The following MLLT10 variants were observed in gnomAD, a reference collection of about 807,000 sequenced individuals.
MLLT10 encodes the protein protein AF-10.
MLLT10 carries 30 observed loss-of-function variants against 129.1 expected under a neutral mutation model. That is an observed-to-expected ratio of 0.23 (90% confidence interval 0.17 to 0.32). The LOEUF (loss-of-function observed/expected upper bound fraction) is 0.32. Ranked by LOEUF, MLLT10 falls within the 10% of genes least tolerant of loss-of-function variation. The probability of loss-of-function intolerance (pLI) is 1.00; values close to 1 mark genes in which losing one functional copy is unlikely to be tolerated. For missense variants in MLLT10, 1,119 were observed against 1,268.3 expected (o/e 0.88, Z 1.79); for synonymous variants, 490 against 446.4 (o/e 1.10, Z -1.23).
intron 13 of MLLT10, among the ~76,000 whole-genome samples, chr10:21,695,145 C>G (rs1157372608): frequency 1.4e-5 from 2 of 145,332 alleles, no homozygotes; most frequent in African/African-American, 5.1e-5. Flanking sequence ...TCTTGGCTCA[C>G]TGCAACCTCT....
chr10:21,601,613 C>G lies in MLLT10; in HGVS notation c.405+6173C>G, dbSNP rs370298171. Among the ~76,000 whole-genome samples the G allele has an allele frequency of 2.6e-5, 4 of 152,252 alleles. No homozygotes were observed. In the East Asian group the frequency reaches 5.8e-4, roughly 22 times the overall value. On this transcript the variant is annotated intron_variant, in intron 5 of 22. Transcript: ENST00000307729. ...AGTTATGTCTCACGATAGCCTCAAA[C>G]TGCTGGCCTCAAGCAATCAGTCCTC... is the stretch of plus-strand genomic sequence containing the variant.
intron 21 of MLLT10, among the ~76,000 whole-genome samples, chr10:21,737,258 C>T (rs2058448903): frequency 6.6e-6 from 1 of 151,890 alleles, no homozygotes; most frequent in Non-Finnish European, 1.5e-5. Context: ...GTAAAAACCT[C>T]ATTAAATGGT....
intron 5 of MLLT10, among the ~76,000 whole-genome samples, chr10:21,600,725 C>A (rs1001915761): frequency 3.3e-5 from 5 of 152,106 alleles, no homozygotes; most frequent in African/African-American, 1.2e-4. Flanking sequence ...GCAGTTCTGG[C>A]TGTAAAAAAA....
intron 14 of MLLT10, among the ~76,000 whole-genome samples, chr10:21,724,023 T>C (rs1322707790): frequency 2.0e-5 from 3 of 152,238 alleles, no homozygotes; most frequent in Admixed American, 6.5e-5. Flanking sequence ...GAATTGTGTG[T>C]TTTATGTGCC....
chr10:21,655,973 A>G (rs745376787), intron 9 of MLLT10, among the ~76,000 whole-genome samples: 1 of 152,190 alleles, frequency 6.6e-6, no homozygotes, highest in Admixed American at 6.5e-5. Context: ...ACAACCGTGT[A>G]GGGATGAGGC....
chr10:21,608,042 A>C (rs1042757588), intron 5 of MLLT10, among the ~76,000 whole-genome samples: 6 of 150,396 alleles, frequency 4.0e-5, no homozygotes, highest in African/African-American at 1.5e-4. Flanking sequence ...GGTATTTTGA[A>C]TATGTTATTC....
In MLLT10 at chr10:21,651,664, C is replaced by T. The variant is rs140119778; in HGVS notation, c.700-9C>T. On this transcript the variant is annotated splice_polypyrimidine_tract_variant and intron_variant, in intron 8 of 22. Coordinates refer to ENST00000307729, the MANE Select transcript of MLLT10 (RefSeq NM_001195626.3). ...ATTAAAATTGGATTTTACTTATATT[C>T]GTTTTTAGAAATATAAAGAGAAGGA... 971 of 1,598,960 alleles carry T rather than the reference C, an allele frequency of 6.1e-4. No individual in the cohort carries two copies. The highest frequency in any genetic ancestry group is 8.1e-4 in the Non-Finnish European group (942 of 1,168,980).
At chr10:21,670,760 T>C (rs1332328544) in intron 10 of MLLT10, 56 bp downstream of exon 10, 15 of 1,528,030 alleles carry the variant, frequency 9.8e-6, no homozygotes, top group Middle Eastern at 1.8e-4. Flanking sequence ...ATAATAGTTA[T>C]GCTTTGTAAA....
intron 8 of MLLT10, among the ~76,000 whole-genome samples, chr10:21,632,809 A>G (rs768826237): frequency 2.0e-5 from 3 of 152,166 alleles, no homozygotes; most frequent in Non-Finnish European, 4.4e-5. Context: ...TAACTGTGGT[A>G]TATAATCTAA....
intron 11 of MLLT10, among the ~76,000 whole-genome samples, chr10:21,676,273 C>T (rs780749719): frequency 2.6e-5 from 4 of 151,660 alleles, no homozygotes; most frequent in Non-Finnish European, 5.9e-5. Flanking sequence ...AAAAAGTAGC[C>T]CGGCATGGTG....
At chr10:21,584,096 C>T (rs2041748852) in intron 3 of MLLT10, among the ~76,000 whole-genome samples, 1 of 151,752 alleles carries the variant, frequency 6.6e-6, no homozygotes, top group Admixed American at 6.6e-5. Flanking sequence ...TCTCGATCTC[C>T]TGACCCCGTG....
chr10:21,570,985 G>C (rs532494988), intron 3 of MLLT10, among the ~76,000 whole-genome samples: 1 of 152,154 alleles, frequency 6.6e-6, no homozygotes, highest in South Asian at 2.1e-4. Flanking sequence ...TGGCATTATT[G>C]AGTTGCTTGA....
chr10:21,708,738 A>T (rs890171432), intron 13 of MLLT10: 1 of 985,354 alleles, frequency 1.0e-6, no homozygotes, highest in African/African-American at 1.7e-5. Context: ...TTGCTTCTCA[A>T]TATTATTCTT....
intron 3 of MLLT10, among the ~76,000 whole-genome samples, chr10:21,566,774 A>ATT: frequency 6.7e-6 from 1 of 148,674 alleles, no homozygotes; most frequent in Non-Finnish European, 1.5e-5. Context: ...CTTTTTTTTT[A>ATT]GTTCATTGAT....
rs1415922836 is a variant in MLLT10, at chr10:21,742,838, A to C, written c.*855A>C. The C allele has an allele frequency of 4.4e-6, 1 of 228,582 alleles. No individual in the cohort carries two copies. The allele number at this position is 228,582 out of a possible 1,614,324, so 14.2% of individuals were successfully genotyped here. On this transcript the variant is annotated 3_prime_UTR_variant, in exon 23 of 23. Coordinates refer to ENST00000307729, the MANE Select transcript of MLLT10 (RefSeq NM_001195626.3). The stretch of plus-strand genomic sequence containing the variant: ...GCAGGGTGGGACAGTCAGTCCTCCG[A>C]GCAGCAGGAATCATCCCGTCACCTG...
chr10:21,566,256 G>A (rs1165454548), intron 3 of MLLT10, among the ~76,000 whole-genome samples: 1 of 149,676 alleles, frequency 6.7e-6, no homozygotes, highest in Non-Finnish European at 1.5e-5. Context: ...TACCTAGCCA[G>A]TTTTTGTCTT....
intron 9 of MLLT10, among the ~76,000 whole-genome samples, chr10:21,658,233 A>G (rs1176111532): frequency 6.6e-6 from 1 of 152,196 alleles, no homozygotes; most frequent in Non-Finnish European, 1.5e-5. Flanking sequence ...CACAGGCAAC[A>G]GTTTCCTTGT....
At chr10:21,571,317 T>TTC (rs368301581) in intron 3 of MLLT10, among the ~76,000 whole-genome samples, 20 of 151,856 alleles carry the variant, frequency 1.3e-4, no homozygotes, top group South Asian at 2.1e-4. Context: ...ATCTCTTCAT[T>TTC]TCTCTCTCTC....
intron 3 of MLLT10, among the ~76,000 whole-genome samples, chr10:21,552,389 T>C (rs974400430): frequency 3.2e-5 from 4 of 125,598 alleles, no homozygotes; most frequent in African/African-American, 3.3e-5. Context: ...TTCTTATTGC[T>C]TTTTTTTTTT....
Sources: gnomAD v4.1 joint callset for allele counts (sites outside exome capture counted in the v4.1 genomes callset) on GRCh38, gnomAD v4.1.1 for gene constraint, MANE v1.5 for transcripts, NCBI Gene and HGNC (gene_info 2026-07-23, HGNC 2026-07-21) for gene names.